Variants in PTPRD observed in about 807,000 individuals in gnomAD.
PTPRD encodes protein tyrosine phosphatase receptor type D, also known as receptor-type tyrosine-protein phosphatase delta.
Under a neutral mutation model 214.5 loss-of-function variants are expected in PTPRD, and 34 were observed. The observed-to-expected ratio is 0.16, with a 90% CI of 0.12 to 0.21. The LOEUF is 0.21. Ranked by LOEUF, PTPRD falls within the 10% of genes least tolerant of loss-of-function variation. The pLI is 1.00. For synonymous variants in PTPRD, 1,128 were observed against 845.7 expected, an observed-to-expected ratio of 1.33 and a Z score of -5.79; for missense variants, 2,545 against 2,398.7, an observed-to-expected ratio of 1.06 and a Z score of -1.27.
At chr9:10,077,694 T>C (rs1426019388) in intron 3 of PTPRD, among the ~76,000 whole-genome samples, 2 of 152,162 alleles carry the variant, frequency 1.3e-5, no homozygotes, top group Non-Finnish European at 2.9e-5. Flanking sequence ...CCCTTCTTTG[T>C]GTCCATATGT....
chr9:8,350,913 C>T (rs2075271478), intron 39 of PTPRD, among the ~76,000 whole-genome samples: 1 of 152,166 alleles, frequency 6.6e-6, no homozygotes, highest in African/African-American at 2.4e-5. Flanking sequence ...GTTTTGCAAT[C>T]TTCATTAAAA....
intron 3 of PTPRD, among the ~76,000 whole-genome samples, chr9:10,319,545 A>G (rs1047673582): frequency 8.5e-5 from 13 of 152,096 alleles, no homozygotes; most frequent in African/African-American, 2.7e-4. Flanking sequence ...ATGTAAAGAT[A>G]TCATCTCTTT....
chr9:9,261,972 T>C (rs2132180719), intron 9 of PTPRD, among the ~76,000 whole-genome samples: 1 of 151,830 alleles, frequency 6.6e-6, no homozygotes, highest in Non-Finnish European at 1.5e-5. Flanking sequence ...AATCATATAC[T>C]AAAGGAGGAG....
chr9:8,503,084 A>G (rs2097449911), intron 23 of PTPRD, among the ~76,000 whole-genome samples: 1 of 152,054 alleles, frequency 6.6e-6, no homozygotes, highest in Non-Finnish European at 1.5e-5. Flanking sequence ...AATAAACGAT[A>G]ATCACTAATA....
At chr9:9,862,774 A>C (rs1174589836) in intron 5 of PTPRD, among the ~76,000 whole-genome samples, 1 of 152,106 alleles carries the variant, frequency 6.6e-6, no homozygotes, top group Admixed American at 6.5e-5. Flanking sequence ...ACACTTAACC[A>C]AAGTATGTAT....
chr9:9,669,052 A>G (rs1424351969), intron 7 of PTPRD, among the ~76,000 whole-genome samples: 2 of 152,160 alleles, frequency 1.3e-5, no homozygotes, highest in Non-Finnish European at 2.9e-5. Context: ...TGGCTTAAAT[A>G]ATCTCTTTAT....
At chr9:9,396,814 T>C (rs2068019777) in intron 9 of PTPRD, among the ~76,000 whole-genome samples, 1 of 152,034 alleles carries the variant, frequency 6.6e-6, no homozygotes, top group African/African-American at 2.4e-5. Flanking sequence ...CTTCTTTCTC[T>C]AAGTCTGGCA....
intron 6 of PTPRD, among the ~76,000 whole-genome samples, chr9:9,738,275 A>G (rs1336386361): frequency 6.6e-6 from 1 of 152,112 alleles, no homozygotes; most frequent in Non-Finnish European, 1.5e-5. Context: ...TCAAACAACA[A>G]CAACAAAAAA....
rs1240057220 is a variant in PTPRD, at chr9:9,658,660, T to C, written c.-287+75873A>G. ...GCTATGAAAATTCTGGTCACTTCTT[T>C]CTGAAAAATGCCACCATTCAAGAGT... On this transcript the variant is annotated intron_variant, in intron 7 of 45. Coordinates refer to ENST00000381196, the MANE Select transcript of PTPRD (RefSeq NM_002839.4). 2.0e-5 allele frequency among the ~76,000 whole-genome samples: 3 copies of C among 152,150 alleles called. 1 individual carries two copies. The highest frequency in any genetic ancestry group is 1.3e-4 in the Admixed American group (2 of 15,260).
intron 8 of PTPRD, among the ~76,000 whole-genome samples, chr9:9,416,518 C>T (rs1188435901): frequency 2.0e-5 from 3 of 152,182 alleles, no homozygotes; most frequent in Admixed American, 1.3e-4. Flanking sequence ...GCTGTCAGAA[C>T]ACGTCCAATT....
At chr9:9,091,864 G>A (rs1185856298) in intron 10 of PTPRD, among the ~76,000 whole-genome samples, 1 of 152,096 alleles carries the variant, frequency 6.6e-6, no homozygotes, top group Non-Finnish European at 1.5e-5. Context: ...AAACTCAATT[G>A]GGTTTTGTGT....
intron 3 of PTPRD, among the ~76,000 whole-genome samples, chr9:10,135,739 T>C (rs2098937963): frequency 6.6e-6 from 1 of 151,866 alleles, no homozygotes; most frequent in Non-Finnish European, 1.5e-5. Flanking sequence ...ATACTAATAA[T>C]AGAAATGAAA....
rs1372502684 is a variant in PTPRD at position 9,147,372 on chromosome 9, CTATT to C, written c.-143+35928_-143+35931del. Reference sequence around the variant, plus strand: ...TTATTCTTTTTTTAAAATTTTTATTCTATTTATTTATTTATTTTAGTGTGAGGCC... The same window carrying C: ...TTATTCTTTTTTTAAAATTTTTATTCTATTTATTTATTTTAGTGTGAGGCC... On this transcript the variant is annotated intron_variant, in intron 10 of 45. Transcript: ENST00000381196. Among the ~76,000 whole-genome samples the C allele has an allele frequency of 2.6e-5, 4 of 151,444 alleles. No homozygotes were observed. In the East Asian group the frequency reaches 7.7e-4, roughly 29 times the overall value.
chr9:8,693,969 G>A lies in PTPRD; in HGVS notation c.64+39811C>T, dbSNP rs374551305. On this transcript the variant is annotated intron_variant, in intron 12 of 45. Transcript: ENST00000381196. ...CAGATGTTTTAATAATTTAAAAGTAGATAATTTTTACTTTACAAAAGCATT... is the reference window on the plus strand; with the variant it reads ...CAGATGTTTTAATAATTTAAAAGTAAATAATTTTTACTTTACAAAAGCATT... Among the ~76,000 whole-genome samples, 96 of 152,260 alleles carry A rather than the reference G, an allele frequency of 6.3e-4. 1 individual carries two copies. Among genetic ancestry groups the A allele is most frequent in the African/African-American group, 2.2e-3 (93 of 41,564 alleles).
chr9:9,465,500 G>A (rs541028041), intron 8 of PTPRD, among the ~76,000 whole-genome samples: 1 of 152,074 alleles, frequency 6.6e-6, no homozygotes, highest in African/African-American at 2.4e-5. Context: ...AAATGGGTGA[G>A]AGCAATATAA....
At chr9:9,589,424 A>G (rs1392270798) in intron 7 of PTPRD, among the ~76,000 whole-genome samples, 4 of 151,912 alleles carry the variant, frequency 2.6e-5, no homozygotes, top group South Asian at 2.1e-4. Flanking sequence ...TCTTTAAAAT[A>G]TAGAACAAGT....
rs139423153 is a variant in PTPRD at position 8,322,680 on chromosome 9, C to T, written c.5535-2714G>A. On this transcript the variant is annotated intron_variant, in intron 44 of 45. Coordinates refer to ENST00000381196, the MANE Select transcript of PTPRD (RefSeq NM_002839.4). ...GAAGCAATAAGTGCTGTTACAGAAG[C>T]TGTAGCAAGTTATCCAGAATATCTA... 3.5e-3 allele frequency among the ~76,000 whole-genome samples: 527 copies of T among 152,270 alleles called. 4 individuals carry two copies. The highest frequency in any genetic ancestry group is 0.012 in the African/African-American group (493 of 41,556).
chr9:9,468,008 G>C (rs2094334755), intron 8 of PTPRD, among the ~76,000 whole-genome samples: 1 of 151,976 alleles, frequency 6.6e-6, no homozygotes, highest in Admixed American at 6.6e-5. Flanking sequence ...TCCTTGAATA[G>C]TGATTTAGGA....
At chr9:8,710,727 T>C (rs1008198845) in intron 12 of PTPRD, among the ~76,000 whole-genome samples, 3 of 152,178 alleles carry the variant, frequency 2.0e-5, no homozygotes, top group Non-Finnish European at 4.4e-5. Flanking sequence ...ATTAACGATT[T>C]TATATCAGAA....
Sources: gnomAD v4.1 joint callset for allele counts (sites outside exome capture counted in the v4.1 genomes callset) on GRCh38, gnomAD v4.1.1 for gene constraint, MANE v1.5 for transcripts, NCBI Gene and HGNC (gene_info 2026-07-23, HGNC 2026-07-21) for gene names.